Variants in FAF1 observed in about 807,000 individuals in gnomAD.
FAF1 encodes FAS-associated factor 1.
Under a neutral mutation model 92.5 loss-of-function variants are expected in FAF1, and 25 were observed. The ratio of observed to expected loss-of-function variants is 0.27; its 90% confidence interval spans 0.20 to 0.38. The LOEUF is 0.38. Ranked by LOEUF, FAF1 falls within the 10% of genes least tolerant of loss-of-function variation. FAF1 has a pLI of 1.00. For missense variants in FAF1, 636 were observed against 793.3 expected (o/e 0.80, Z 2.38); for synonymous variants, 234 against 273.2 (o/e 0.86, Z 1.42).
intron 7 of FAF1, among the ~76,000 whole-genome samples, chr1:50,685,026 G>A (rs1321297295): frequency 6.6e-6 from 1 of 152,116 alleles, no homozygotes; most frequent in Non-Finnish European, 1.5e-5. Flanking sequence ...CTTCATATAC[G>A]ACACAGAATT....
At chr1:50,953,245 A>G (rs1376595701) in intron 1 of FAF1, among the ~76,000 whole-genome samples, 1 of 152,136 alleles carries the variant, frequency 6.6e-6, no homozygotes, top group African/African-American at 2.4e-5. Context: ...ACCCAGGGAC[A>G]CAAACACTGC....
At chr1:50,753,814 G>C (rs1026343468) in intron 4 of FAF1, among the ~76,000 whole-genome samples, 1 of 149,048 alleles carries the variant, frequency 6.7e-6, no homozygotes, top group African/African-American at 2.5e-5. Context: ...CTGGAGTGTA[G>C]TGGTGCGATC....
intron 3 of FAF1, among the ~76,000 whole-genome samples, chr1:50,794,275 A>C (rs564080664): frequency 2.0e-5 from 3 of 152,336 alleles, no homozygotes; most frequent in Non-Finnish European, 2.9e-5. Flanking sequence ...AGGAAAAAAA[A>C]ATTTGGACTG....
intron 1 of FAF1, among the ~76,000 whole-genome samples, chr1:50,860,460 C>G (rs907954442): frequency 2.0e-5 from 3 of 151,822 alleles, no homozygotes; most frequent in Non-Finnish European, 2.9e-5. Flanking sequence ...AGACACTTCT[C>G]AAAAGAAGAC....
intron 1 of FAF1, among the ~76,000 whole-genome samples, chr1:50,862,812 A>G (rs1644447004): frequency 6.6e-6 from 1 of 151,950 alleles, no homozygotes; most frequent in Non-Finnish European, 1.5e-5. Flanking sequence ...TTATATAATG[A>G]TAAAGGGACT....
intron 17 of FAF1, among the ~76,000 whole-genome samples, chr1:50,476,278 A>T (rs2148999540): frequency 6.6e-6 from 1 of 152,248 alleles, no homozygotes; most frequent in East Asian, 1.9e-4. Flanking sequence ...ATTTTGCCAC[A>T]ATAAAAGAAA....
intron 18 of FAF1, among the ~76,000 whole-genome samples, chr1:50,467,564 C>T (rs1218452483): frequency 3.3e-5 from 5 of 152,108 alleles, no homozygotes; most frequent in South Asian, 2.1e-4. Context: ...CTGCCCTCCT[C>T]GGCATCCCAA....
intron 18 of FAF1, chr1:50,461,605 G>A (rs1240237254): frequency 1.3e-5 from 2 of 151,762 alleles, no homozygotes; most frequent in African/African-American, 4.8e-5. Context: ...ACATAAATGA[G>A]GTAAAAAATC....
intron 9 of FAF1, among the ~76,000 whole-genome samples, chr1:50,587,660 T>C (rs997837025): frequency 6.6e-6 from 1 of 152,226 alleles, no homozygotes; most frequent in Non-Finnish European, 1.5e-5. Flanking sequence ...ATTGCATTCA[T>C]TTATTACCTT....
At chr1:50,840,332 A>G (rs1207781535) in intron 2 of FAF1, among the ~76,000 whole-genome samples, 1 of 151,886 alleles carries the variant, frequency 6.6e-6, no homozygotes, top group East Asian at 1.9e-4. Context: ...ACATACCAAA[A>G]ATGTGTTTAT....
intron 4 of FAF1, among the ~76,000 whole-genome samples, chr1:50,750,795 G>A (rs1659830835): frequency 6.6e-6 from 1 of 151,268 alleles, no homozygotes; most frequent in South Asian, 2.1e-4. Flanking sequence ...GCTAATTTTT[G>A]TATTTTTAGT....
chr1:50,528,680 G>C (rs1417435083), intron 15 of FAF1, among the ~76,000 whole-genome samples: 3 of 152,156 alleles, frequency 2.0e-5, no homozygotes, highest in African/African-American at 7.2e-5. Flanking sequence ...ACAAGGGTCT[G>C]AACTGTGTAA....
At chr1:50,909,015 G>A (rs1268035199) in intron 1 of FAF1, among the ~76,000 whole-genome samples, 1 of 152,166 alleles carries the variant, frequency 6.6e-6, no homozygotes, top group Non-Finnish European at 1.5e-5. Flanking sequence ...TCCAGTATTG[G>A]TTGTTCCTTT....
At chr1:50,651,930 A>G (rs1654882504) in intron 8 of FAF1, among the ~76,000 whole-genome samples, 1 of 152,256 alleles carries the variant, frequency 6.6e-6, no homozygotes, top group South Asian at 2.1e-4. Flanking sequence ...AATACTAGTT[A>G]TAAGCCATTT....
chr1:50,662,838 C>G (rs1655443806), intron 7 of FAF1, among the ~76,000 whole-genome samples: 1 of 148,364 alleles, frequency 6.7e-6, no homozygotes, highest in South Asian at 2.1e-4. Context: ...GTAGCTGGGA[C>G]TGCAGGCACC....
chr1:50,497,540 C>CTTTTTTTTTTTTTTTTTT (rs61258960), intron 15 of FAF1, among the ~76,000 whole-genome samples: 1 of 100,506 alleles, frequency 9.9e-6, no homozygotes, highest in Non-Finnish European at 2.0e-5. Flanking sequence ...ATTCAAAACT[C>CTTTTTTTTTTTTTTTTTT]TTTTTTTTTT....
At chr1:50,508,656 G>A (rs1451011025) in intron 15 of FAF1, among the ~76,000 whole-genome samples, 1 of 152,164 alleles carries the variant, frequency 6.6e-6, no homozygotes, top group Non-Finnish European at 1.5e-5. Flanking sequence ...AGATGTGACA[G>A]CTGTACAATA....
chr1:50,674,398 C>T (rs181454997), intron 7 of FAF1, among the ~76,000 whole-genome samples: 1 of 152,284 alleles, frequency 6.6e-6, no homozygotes, highest in Admixed American at 6.5e-5. Context: ...TTGGCTAACT[C>T]TTCCTTCATA....
chr1:50,905,043 C>T (rs563935388), intron 1 of FAF1, among the ~76,000 whole-genome samples: 4 of 152,250 alleles, frequency 2.6e-5, no homozygotes, highest in African/African-American at 9.6e-5. Flanking sequence ...ACCAGCCCCC[C>T]ACCCCACAAC....
Sources: allele counts gnomAD v4.1 joint callset (sites outside exome capture counted in the v4.1 genomes callset), GRCh38; gene constraint gnomAD v4.1.1; transcripts MANE v1.5; gene names NCBI Gene and HGNC (gene_info 2026-07-23, HGNC 2026-07-21).